The following RUVBL1 variants were observed in gnomAD, a reference collection of about 807,000 sequenced individuals.
RUVBL1 encodes RuvB like AAA ATPase 1.
A neutral mutation model predicts 52.4 loss-of-function variants in RUVBL1; 4 were observed. The ratio of observed to expected loss-of-function variants is 0.08; its 90% CI spans 0.04 to 0.17. The LOEUF is 0.17. Ranked by LOEUF, RUVBL1 falls within the 10% of genes least tolerant of loss-of-function variation. The pLI, the probability that RUVBL1 is intolerant of heterozygous loss-of-function variation, is 1.00. For missense variants in RUVBL1, 298 were observed against 572.8 expected (o/e 0.52, Z 4.90); for synonymous variants, 217 against 214.4 (o/e 1.01, Z -0.10).
intron 8 of RUVBL1, among the ~76,000 whole-genome samples, chr3:128,090,039 A>T (rs1942789978): frequency 2.0e-5 from 3 of 151,378 alleles, no homozygotes; most frequent in Admixed American, 2.0e-4. Context: ...GTGATGAAAA[A>T]GTTTTGGAAA....
chr3:128,126,599 C>T (rs1048967005), upstream of RUVBL1, among the ~76,000 whole-genome samples: 1 of 151,716 alleles, frequency 6.6e-6, no homozygotes, highest in African/African-American at 2.4e-5. Flanking sequence ...TTACATGTGA[C>T]GGAACTGAGG....
intron 2 of RUVBL1, among the ~76,000 whole-genome samples, chr3:128,115,220 C>A (rs999307689): frequency 1.3e-5 from 2 of 152,074 alleles, no homozygotes; most frequent in Non-Finnish European, 2.9e-5. Context: ...AAGGTAAAAC[C>A]GCAAGCAGCA....
chr3:128,122,171 C>G (rs181357330), intron 1 of RUVBL1, among the ~76,000 whole-genome samples: 21 of 152,326 alleles, frequency 1.4e-4, no homozygotes, highest in African/African-American at 4.8e-4. Context: ...CTTGGACCTA[C>G]TTATTTGACC....
intron 8 of RUVBL1, among the ~76,000 whole-genome samples, chr3:128,091,576 A>G (rs1481624140): frequency 6.6e-6 from 1 of 152,198 alleles, no homozygotes; most frequent in Non-Finnish European, 1.5e-5. Flanking sequence ...AATCCAATAC[A>G]GCGTATCTAT....
At chr3:128,098,035 G>A (rs924128696) in intron 7 of RUVBL1, among the ~76,000 whole-genome samples, 1 of 152,228 alleles carries the variant, frequency 6.6e-6, no homozygotes, top group African/African-American at 2.4e-5. Flanking sequence ...ATCCTGAGCA[G>A]AAACCTTTGA....
chr3:128,120,908 G>A (rs1943630934), intron 1 of RUVBL1, among the ~76,000 whole-genome samples: 1 of 151,700 alleles, frequency 6.6e-6, no homozygotes, highest in African/African-American at 2.4e-5. Context: ...GTGAACCCAG[G>A]AGGCGGAGCT....
intron 2 of RUVBL1, among the ~76,000 whole-genome samples, chr3:128,114,541 A>G (rs1483605239): frequency 1.3e-5 from 2 of 152,130 alleles, no homozygotes; most frequent in Non-Finnish European, 2.9e-5. Flanking sequence ...CACAAGTGGC[A>G]AACTCGTTGC....
intron 1 of RUVBL1, among the ~76,000 whole-genome samples, chr3:128,134,330 G>C (rs1025449305): frequency 6.6e-6 from 1 of 151,868 alleles, no homozygotes; most frequent in Non-Finnish European, 1.5e-5. Flanking sequence ...GGGCGCGGTG[G>C]TAGGCGCCTG....
intron 9 of RUVBL1, among the ~76,000 whole-genome samples, chr3:128,072,499 G>A (rs1042400852): frequency 6.6e-6 from 1 of 152,230 alleles, no homozygotes; most frequent in Non-Finnish European, 1.5e-5. Flanking sequence ...CTGATGGACA[G>A]GTGTGGGCCT....
intron 6 of RUVBL1, 54 bp from the exon 7 acceptor site, chr3:128,098,999 C>A: frequency 6.9e-7 from 1 of 1,450,118 alleles, no homozygotes. Flanking sequence ...ACTACAGAAG[C>A]CTCATCCCCC....
chr3:128,134,342 A>C (rs1002729959), intron 1 of RUVBL1, among the ~76,000 whole-genome samples: 1 of 151,858 alleles, frequency 6.6e-6, no homozygotes, highest in African/African-American at 2.4e-5. Context: ...AGGCGCCTGT[A>C]ATCCAGCTAC....
chr3:128,120,170 G>A (rs2107716248), intron 1 of RUVBL1, among the ~76,000 whole-genome samples: 1 of 152,214 alleles, frequency 6.6e-6, no homozygotes, highest in East Asian at 1.9e-4. Context: ...CTGTGTTTAT[G>A]TTCATATATA....
rs576352152 is a variant in RUVBL1 at position 128,122,757 on chromosome 3, G to A, written c.141+827C>T. On this transcript the variant is annotated intron_variant, in intron 1 of 10. Coordinates refer to ENST00000322623, the MANE Select transcript of RUVBL1 (RefSeq NM_003707.3). ...ACCTTAGAGAACAGCAGGCAGAGAG[G>A]GTGGCTGTATCATCATAGAGCACTG... Among the ~76,000 whole-genome samples, 7 of 152,306 alleles carry A rather than the reference G, an allele frequency of 4.6e-5. 1 individual carries two copies. The South Asian group carries it at 1.4e-3, about 32-fold the overall frequency.
intron 1 of RUVBL1, among the ~76,000 whole-genome samples, chr3:128,151,454 G>A (rs183625686): frequency 1.3e-5 from 2 of 151,730 alleles, no homozygotes; most frequent in Admixed American, 1.3e-4. Flanking sequence ...CCTGTACAAA[G>A]TCTTTGTTAG....
chr3:128,067,534 A>T lies in RUVBL1; in HGVS notation c.940-2314T>A, dbSNP rs929530750. 2 of 1,614,042 alleles carry T rather than the reference A, an allele frequency of 1.2e-6. No individual in the cohort carries two copies. Among genetic ancestry groups the T allele is most frequent in the African/African-American group, 2.7e-5 (2 of 74,916 alleles). ...TAGAAGACCCGGTCCATGCAGTTGT[A>T]TACATAGTGTTCATGCTGGGCTCCT... On this transcript the variant is annotated intron_variant, in intron 9 of 9. Transcript: ENST00000464873. The surrounding 1 kb of genome is among the most constrained non-coding windows in gnomAD (Gnocchi z 4.1).
At chr3:128,075,249 TTGC>T (rs1559802675) in intron 9 of RUVBL1, 1 of 152,218 alleles carries the variant, frequency 6.6e-6, no homozygotes, top group Non-Finnish European at 1.5e-5. Flanking sequence ...TGAGAGGCGA[TTGC>T]CTGTAATTCT....
Position 128,116,872 on chromosome 3 carries a change from C to A in RUVBL1, c.228+2456G>T, listed in dbSNP as rs1056845349. On this transcript the variant is annotated intron_variant, in intron 2 of 10. Transcript: ENST00000322623. ...CCATTCTCTCCCTGGCTCTGCTGCTCATTTTTTAAAAATTAATTAATTTAA... is the reference window on the plus strand; with the variant it reads ...CCATTCTCTCCCTGGCTCTGCTGCTAATTTTTTAAAAATTAATTAATTTAA... 5.9e-5 allele frequency among the ~76,000 whole-genome samples: 9 copies of A among 152,054 alleles called. No individual in the cohort carries two copies. The East Asian group carries it at 1.7e-3, about 29-fold the overall frequency.
chr3:128,087,378 G>A (rs1942679378), intron 9 of RUVBL1, among the ~76,000 whole-genome samples: 1 of 152,316 alleles, frequency 6.6e-6, no homozygotes, highest in South Asian at 2.1e-4. Flanking sequence ...TTATAGAGCT[G>A]GTAGCCTCCC....
intron 1 of RUVBL1, among the ~76,000 whole-genome samples, chr3:128,133,112 C>G (rs1943904720): frequency 6.6e-6 from 1 of 152,152 alleles, no homozygotes; most frequent in Non-Finnish European, 1.5e-5. Context: ...GCAGTTCTTG[C>G]TATAGGCCTG....
Sources: allele counts gnomAD v4.1 joint callset (sites outside exome capture counted in the v4.1 genomes callset), GRCh38; gene constraint gnomAD v4.1.1; non-coding constraint Gnocchi (gnomAD v3.1); transcripts MANE v1.5; gene names NCBI Gene and HGNC (gene_info 2026-07-23, HGNC 2026-07-21).